The following ERCC6L2 variants were observed in gnomAD, a reference collection of about 807,000 sequenced individuals.
ERCC6L2 encodes the protein ERCC excision repair 6 like 2, also known as DNA excision repair protein ERCC-6-like 2.
A neutral mutation model predicts 132.0 loss-of-function variants in ERCC6L2; 77 were observed. That is an observed-to-expected ratio of 0.58 (90% CI 0.49 to 0.71). The LOEUF (loss-of-function observed/expected upper bound fraction) is 0.71. Among genes scored for constraint, ERCC6L2 ranks in the 30% least tolerant of loss-of-function variants. The pLI is 0.00. For synonymous variants in ERCC6L2, 583 were observed against 632.4 expected (o/e 0.92, Z 1.17); for missense variants, 1,542 against 1,837.6 (o/e 0.84, Z 2.94).
intron 15 of ERCC6L2, 69 bp from the exon 16 acceptor site, chr9:95,971,864 G>A (rs1832428492): frequency 6.7e-6 from 7 of 1,049,036 alleles, no homozygotes; most frequent in Middle Eastern, 5.1e-4. Flanking sequence ...CCAAAGTTGA[G>A]TACTTTTCAG....
intron 17 of ERCC6L2, among the ~76,000 whole-genome samples, chr9:95,992,750 G>C (rs1833345895): frequency 1.3e-5 from 2 of 152,126 alleles, no homozygotes; most frequent in South Asian, 4.1e-4. Flanking sequence ...AGGCCAGGGT[G>C]GAGGGACATG....
At chr9:95,963,147 CTGTGTGTGTG>C (rs34128119) in intron 13 of ERCC6L2, among the ~76,000 whole-genome samples, 122 of 148,620 alleles carry the variant, frequency 8.2e-4, no homozygotes, top group South Asian at 7.4e-3. Flanking sequence ...GTCATCTCGT[CTGTGTGTGTG>C]TGTGTGTGTG....
downstream of ERCC6L2, among the ~76,000 whole-genome samples, chr9:96,022,610 G>A (rs1236211969): frequency 1.3e-5 from 2 of 152,202 alleles, no homozygotes; most frequent in Non-Finnish European, 2.9e-5. Context: ...TAACTGGGGT[G>A]GAAGGACCCG....
At chr9:95,955,220 T>A (rs911274044) in intron 12 of ERCC6L2, among the ~76,000 whole-genome samples, 1 of 152,200 alleles carries the variant, frequency 6.6e-6, no homozygotes, top group African/African-American at 2.4e-5. Context: ...ACTGAGTGAT[T>A]CAGTCAGATC....
At chr9:95,881,510 A>T (rs1045321033) in intron 2 of ERCC6L2, among the ~76,000 whole-genome samples, 1 of 152,166 alleles carries the variant, frequency 6.6e-6, no homozygotes, top group African/African-American at 2.4e-5. Flanking sequence ...ATTTTATTCC[A>T]AAATAATGTT....
At chr9:95,954,071 C>G (rs1450796782) in intron 12 of ERCC6L2, among the ~76,000 whole-genome samples, 1 of 152,154 alleles carries the variant, frequency 6.6e-6, no homozygotes, top group Admixed American at 6.5e-5. Context: ...GTGATAGGCA[C>G]TATTATACCC....
chr9:96,036,434 G>A (rs1472863101), intron 19 of ERCC6L2, among the ~76,000 whole-genome samples: 1 of 152,138 alleles, frequency 6.6e-6, no homozygotes, highest in Admixed American at 6.5e-5. Context: ...TCCATTGATG[G>A]ACACTTGGGT....
At chr9:96,030,404 C>A (rs974823689) in intron 19 of ERCC6L2, among the ~76,000 whole-genome samples, 1 of 152,096 alleles carries the variant, frequency 6.6e-6, no homozygotes, top group Non-Finnish European at 1.5e-5. Context: ...TCTTTGGGTC[C>A]GTGCCATCTT....
Position 95,972,247 on chromosome 9 carries a change from A to C in ERCC6L2, c.2496A>C (p.Lys832Asn). The C allele has an allele frequency of 2.3e-6, 3 of 1,304,214 alleles. No individual in the cohort carries two copies. Among genetic ancestry groups the C allele is most frequent in the Non-Finnish European group, 3.0e-6 (3 of 988,926 alleles). 80.8% of individuals were successfully genotyped at this position (1,304,214 alleles called of 1,614,324 possible). ...CCACATGCCTTTCAACAGAAGCCAAAGATGCTGGTTGTGAGAAAAATCAGG... is the reference window on the plus strand; with the variant it reads ...CCACATGCCTTTCAACAGAAGCCAACGATGCTGGTTGTGAGAAAAATCAGG... ...EQPTCLSTEA[K>N]DAGCEKNQDS... Residue 832 changes from lysine (K) to asparagine (N), a missense_variant, in exon 16 of 19, where the codon AAA becomes AAC. This residue lies in a region of ERCC6L2 where 945 missense variants were observed against 1,105.2 expected (regional missense o/e 0.86). Transcript: ENST00000653738.
At chr9:96,021,508 G>C (rs1489657754), downstream of ERCC6L2, 1 of 173,622 alleles carries the variant, frequency 5.8e-6, no homozygotes, top group African/African-American at 2.4e-5. This position sits in a 1 kb window ranked among gnomAD's most constrained non-coding sequence, Gnocchi z 4.7. Flanking sequence ...TGGGGGACAC[G>C]GGGCAAATTC....
intron 1 of ERCC6L2, among the ~76,000 whole-genome samples, chr9:95,878,725 C>A (rs1266451324): frequency 2.2e-5 from 3 of 134,318 alleles, no homozygotes; most frequent in African/African-American, 8.4e-5. Context: ...TCTCATTGTT[C>A]AATTCCCACC....
chr9:95,986,776 C>T (rs560551022), intron 17 of ERCC6L2, among the ~76,000 whole-genome samples: 99 of 152,252 alleles, frequency 6.5e-4, no homozygotes, highest in Admixed American at 1.2e-3. Flanking sequence ...GGATTACAGG[C>T]ACAAGCCACC....
chr9:95,973,206 C>A (rs932374958), intron 16 of ERCC6L2, 118 bp downstream of exon 16: 1 of 616,976 alleles, frequency 1.6e-6, no homozygotes, highest in Non-Finnish European at 2.4e-6. Context: ...TGCATTGAGG[C>A]ACAAATAAGG....
chr9:95,931,957 A>AGACTTTC (rs1830359165), intron 11 of ERCC6L2, among the ~76,000 whole-genome samples: 1 of 151,672 alleles, frequency 6.6e-6, no homozygotes, highest in African/African-American at 2.4e-5. Context: ...TCAGACTTTC[A>AGACTTTC]AACTTTCAAA....
downstream of ERCC6L2, among the ~76,000 whole-genome samples, chr9:96,018,536 C>T (rs1834230311): frequency 6.6e-6 from 1 of 151,944 alleles, no homozygotes; most frequent in Admixed American, 6.6e-5. Context: ...TCATAGCTCA[C>T]TGCAGCCTCG....
At chr9:95,919,974 T>C (rs1327146160) in intron 6 of ERCC6L2, among the ~76,000 whole-genome samples, 1 of 152,164 alleles carries the variant, frequency 6.6e-6, no homozygotes, top group Non-Finnish European at 1.5e-5. Flanking sequence ...AGAAAACAAA[T>C]TGACATTAAA....
chr9:96,018,592 C>T (rs906846535), downstream of ERCC6L2, among the ~76,000 whole-genome samples: 2 of 151,456 alleles, frequency 1.3e-5, no homozygotes, highest in African/African-American at 4.9e-5. Flanking sequence ...TCCCAAGTAG[C>T]TGGGACCACA....
intron 19 of ERCC6L2, among the ~76,000 whole-genome samples, chr9:96,033,937 G>A (rs983740419): frequency 6.6e-6 from 1 of 152,208 alleles, no homozygotes; most frequent in Non-Finnish European, 1.5e-5. Flanking sequence ...GTGCAGGGAC[G>A]TCAACTGCAA....
intron 2 of ERCC6L2, among the ~76,000 whole-genome samples, chr9:95,890,551 T>C (rs576088871): frequency 7.2e-5 from 11 of 152,340 alleles, no homozygotes; most frequent in Admixed American, 6.5e-4. Context: ...CTATTTTTCA[T>C]CTTTTTATAA....
Sources: gnomAD v4.1 joint callset for allele counts (sites outside exome capture counted in the v4.1 genomes callset) on GRCh38, gnomAD v4.1.1 for gene constraint, gnomAD v4.1.1 regional missense constraint, Gnocchi (gnomAD v3.1) non-coding constraint, MANE v1.5 for transcripts, NCBI Gene and HGNC (gene_info 2026-07-23, HGNC 2026-07-21) for gene names.